AHI1: variants seen among roughly 807,000 people sequenced by gnomAD.
AHI1 encodes jouberin.
AHI1 carries 123 observed loss-of-function variants against 149.3 expected under a neutral mutation model. The ratio of observed to expected loss-of-function variants is 0.82; its 90% confidence interval spans 0.71 to 0.96. AHI1 has a LOEUF of 0.96. Among genes scored for constraint, AHI1 ranks in the 40% least tolerant of loss-of-function variants. AHI1 has a pLI of 0.00. For missense variants in AHI1, 1,439 were observed against 1,422.7 expected, an observed-to-expected ratio of 1.01 and a Z score of -0.18; for synonymous variants, 475 against 459.8, an observed-to-expected ratio of 1.03 and a Z score of -0.42.
At chr6:135,345,508 G>C (rs1791058970) in intron 24 of AHI1, among the ~76,000 whole-genome samples, 1 of 152,110 alleles carries the variant, frequency 6.6e-6, no homozygotes, top group African/African-American at 2.4e-5. Context: ...ATGAAATTCT[G>C]ATACATGCCA....
intron 20 of AHI1, among the ~76,000 whole-genome samples, chr6:135,421,664 T>C (rs1259322667): frequency 6.6e-6 from 1 of 152,010 alleles, no homozygotes; most frequent in Non-Finnish European, 1.5e-5. Flanking sequence ...ACTGTAAACA[T>C]TAAAAAAAAT....
At chr6:135,300,388 G>T in intron 27 of AHI1, 112 bp downstream of exon 27, 1 of 1,107,274 alleles carries the variant, frequency 9.0e-7, no homozygotes, top group Non-Finnish European at 1.2e-6. Context: ...TCAACTATCT[G>T]AAATTTAACT....
chr6:135,377,535 C>G (rs1165671493), intron 23 of AHI1, among the ~76,000 whole-genome samples: 1 of 151,822 alleles, frequency 6.6e-6, no homozygotes, highest in Admixed American at 6.6e-5. Context: ...GGATGGAGTG[C>G]AGCGGCATAA....
intron 27 of AHI1, among the ~76,000 whole-genome samples, chr6:135,295,432 C>A (rs1211042414): frequency 6.6e-6 from 1 of 152,176 alleles, no homozygotes; most frequent in African/African-American, 2.4e-5. Context: ...GAAAGCATAA[C>A]CTTCTTCAAT....
At chr6:135,341,226 T>C (rs1436853633) in intron 24 of AHI1, among the ~76,000 whole-genome samples, 1 of 152,004 alleles carries the variant, frequency 6.6e-6, no homozygotes, top group African/African-American at 2.4e-5. Flanking sequence ...ACACTTCAGA[T>C]TTAAGGATAC....
intron 22 of AHI1, among the ~76,000 whole-genome samples, chr6:135,402,363 T>C (rs1407859137): frequency 1.3e-5 from 2 of 152,222 alleles, no homozygotes; most frequent in African/African-American, 4.8e-5. Flanking sequence ...CCAAAACTTA[T>C]ACACACAATG....
chr6:135,405,582 G>A (rs1042249677), intron 21 of AHI1, among the ~76,000 whole-genome samples: 2 of 152,046 alleles, frequency 1.3e-5, no homozygotes, highest in South Asian at 2.1e-4. Context: ...AAGTCTGGCC[G>A]GGTACGGTGG....
intron 5 of AHI1, among the ~76,000 whole-genome samples, chr6:135,471,623 T>G (rs185459737): frequency 6.6e-6 from 1 of 151,908 alleles, no homozygotes. Context: ...TCATTCATGT[T>G]CCTATTATAC....
At chr6:135,339,706 C>G (rs1789997473) in intron 24 of AHI1, among the ~76,000 whole-genome samples, 2 of 151,992 alleles carry the variant, frequency 1.3e-5, no homozygotes, top group Admixed American at 1.3e-4. Flanking sequence ...TCAAATGTAC[C>G]AACATATGCA....
At chr6:135,425,062 A>G (rs540274335) in intron 20 of AHI1, among the ~76,000 whole-genome samples, 1 of 152,106 alleles carries the variant, frequency 6.6e-6, no homozygotes, top group South Asian at 2.1e-4. Context: ...ATGGCTTAAG[A>G]TTACTTAACT....
chr6:135,445,469 T>G (rs939736423), intron 13 of AHI1, among the ~76,000 whole-genome samples: 3 of 152,218 alleles, frequency 2.0e-5, no homozygotes, highest in African/African-American at 4.8e-5. Flanking sequence ...TCTATCAAAG[T>G]GTGATTCAGG....
intron 7 of AHI1, 132 bp from the exon 8 acceptor site, chr6:135,463,438 T>A: frequency 1.4e-6 from 1 of 715,202 alleles, no homozygotes; most frequent in East Asian, 2.9e-5. Flanking sequence ...TCTTGAGAGA[T>A]GCATGTATTT....
Position 135,285,328 on chromosome 6 carries a change from T to C in AHI1, c.*317A>G. 1 of 426,308 alleles carries C rather than the reference T, an allele frequency of 2.3e-6. No homozygotes were observed. Among genetic ancestry groups the C allele is most frequent in the Non-Finnish European group, 4.2e-6 (1 of 236,300 alleles). The allele number at this position is 426,308 out of a possible 1,614,324, so 26.4% of individuals were successfully genotyped here. On this transcript the variant is annotated 3_prime_UTR_variant, in exon 29 of 29. Coordinates refer to ENST00000265602, the MANE Select transcript of AHI1 (RefSeq NM_001134831.2). The stretch of plus-strand genomic sequence containing the variant: ...ACACCTTTTATTCACATTTGCTGAG[T>C]AGCAATTACAGTGTTTTCTTCATTA...
At chr6:135,389,692 C>G (rs560914494) in intron 23 of AHI1, among the ~76,000 whole-genome samples, 7 of 152,050 alleles carry the variant, frequency 4.6e-5, no homozygotes, top group African/African-American at 1.2e-4. Flanking sequence ...TTGTTTGACT[C>G]GACTTATCGA....
intron 23 of AHI1, among the ~76,000 whole-genome samples, chr6:135,391,350 C>T (rs558437490): frequency 5.3e-5 from 8 of 152,110 alleles, no homozygotes; most frequent in East Asian, 3.9e-4. Flanking sequence ...GAAAGGTGAA[C>T]GGTTTTGGGA....
chr6:135,330,114 T>C (rs528350556), intron 24 of AHI1, among the ~76,000 whole-genome samples: 1 of 152,338 alleles, frequency 6.6e-6, no homozygotes, highest in South Asian at 2.1e-4. Flanking sequence ...ACAGAGGATT[T>C]AGAATATCAC....
At chr6:135,443,711 T>C (rs1055247567) in intron 13 of AHI1, among the ~76,000 whole-genome samples, 1 of 152,168 alleles carries the variant, frequency 6.6e-6, no homozygotes, top group South Asian at 2.1e-4. Flanking sequence ...TATGACCAGC[T>C]ACTAGGAATG....
intron 22 of AHI1, among the ~76,000 whole-genome samples, chr6:135,398,266 A>T (rs1156347202): frequency 6.6e-6 from 1 of 152,144 alleles, no homozygotes; most frequent in Non-Finnish European, 1.5e-5. Context: ...AGCAATGAGT[A>T]GTCTATGGTA....
intron 28 of AHI1, among the ~76,000 whole-genome samples, chr6:135,286,060 G>A (rs1016473132): frequency 2.6e-5 from 4 of 152,198 alleles, no homozygotes; most frequent in Non-Finnish European, 5.9e-5. Flanking sequence ...TGATTCGGAA[G>A]GATACAGATA....
Sources: allele counts gnomAD v4.1 joint callset (sites outside exome capture counted in the v4.1 genomes callset), GRCh38; gene constraint gnomAD v4.1.1; transcripts MANE v1.5; gene names NCBI Gene and HGNC (gene_info 2026-07-23, HGNC 2026-07-21).